IKBIP: variants seen among roughly 807,000 people sequenced by gnomAD.
IKBIP encodes IKBKB interacting protein, also known as inhibitor of nuclear factor kappa-B kinase-interacting protein.
Under a neutral mutation model 31.0 loss-of-function variants are expected in IKBIP, and 28 were observed. That is an observed-to-expected ratio of 0.90 (90% CI 0.67 to 1.24). The LOEUF is 1.24. IKBIP is among the 50% of genes most tolerant of loss of function. The pLI is 0.00. For missense variants in IKBIP, 453 were observed against 441.9 expected (o/e 1.03, Z -0.23); for synonymous variants, 164 against 160.3 (o/e 1.02, Z -0.17).
chr12:98,630,938 A>AT (rs1491283131), intron 2 of IKBIP, among the ~76,000 whole-genome samples: 4 of 4,164 alleles, frequency 9.6e-4, no homozygotes, highest in African/African-American at 1.4e-3. Context: ...TTTTCTTTTC[A>AT]TTTTTTTTTT....
Position 98,625,576 on chromosome 12 carries a change from G to A in IKBIP, c.*354C>T, listed in dbSNP as rs1293835577. On this transcript the variant is annotated 3_prime_UTR_variant, in exon 3 of 3. Coordinates refer to ENST00000299157, the MANE Select transcript of IKBIP (RefSeq NM_153687.4). Reference sequence around the variant, plus strand: ...CAAATTGGGGTCATTTAGTGAAGTGGTAAATACTCTTTATTAGCCCCTGGA... The same window carrying A: ...CAAATTGGGGTCATTTAGTGAAGTGATAAATACTCTTTATTAGCCCCTGGA... 1 of 155,296 alleles carries A rather than the reference G, an allele frequency of 6.4e-6. No homozygotes were observed. Among genetic ancestry groups the A allele is most frequent in the Non-Finnish European group, 1.4e-5 (1 of 70,632 alleles). 9.6% of individuals were successfully genotyped at this position (155,296 alleles called of 1,614,324 possible). A position where few individuals can be genotyped will look rare whatever the true frequency, so the allele number is the denominator to read the frequency against.
intron 1 of IKBIP, among the ~76,000 whole-genome samples, chr12:98,639,583 A>G (rs1201930478): frequency 3.3e-5 from 5 of 152,172 alleles, no homozygotes; most frequent in Non-Finnish European, 7.3e-5. Context: ...ATACAGATCT[A>G]TCTAGGGTCC....
intron 2 of IKBIP, among the ~76,000 whole-genome samples, chr12:98,616,855 T>A (rs991804621): frequency 1.3e-5 from 2 of 152,172 alleles, no homozygotes; most frequent in Non-Finnish European, 2.9e-5. Flanking sequence ...TTTTAAATGC[T>A]AGTATCACGC....
chr12:98,644,495 C>T (rs1432799321), intron 1 of IKBIP, 28 bp downstream of exon 1: 4 of 1,550,698 alleles, frequency 2.6e-6, no homozygotes, highest in South Asian at 1.2e-5. Context: ...CACAGGAGGC[C>T]GGCCCAGGCA....
At chr12:98,636,779 T>C (rs1379361752) in intron 1 of IKBIP, among the ~76,000 whole-genome samples, 2 of 152,088 alleles carry the variant, frequency 1.3e-5, no homozygotes, top group Non-Finnish European at 2.9e-5. Flanking sequence ...GTTTCATTTC[T>C]GGCTTTTAGG....
At position 98,614,722 on chromosome 12, in the gene IKBIP, C is replaced by T. The variant is rs538560972; in HGVS notation, c.298-382G>A. The stretch of plus-strand genomic sequence containing the variant: ...CTGGGATTACAGGCGTGAGCCACCA[C>T]GCCCTGCCTTATGTTATTTTTTAAC... On this transcript the variant is annotated intron_variant, in intron 2 of 2. Transcript: ENST00000342502. Among the ~76,000 whole-genome samples, 10 of 152,310 alleles carry T rather than the reference C, an allele frequency of 6.6e-5. No individual in the cohort carries two copies. The South Asian group carries it at 2.1e-3, about 32-fold the overall frequency.
chr12:98,624,122 T>C (rs2097612177), downstream of IKBIP: 3 of 238,246 alleles, frequency 1.3e-5, no homozygotes, highest in African/African-American at 7.1e-5. Context: ...ATGGTATATA[T>C]AAGTTCATAA....
At chr12:98,634,878 T>A (rs1489892617) in intron 1 of IKBIP, among the ~76,000 whole-genome samples, 1 of 151,450 alleles carries the variant, frequency 6.6e-6, no homozygotes, top group Non-Finnish European at 1.5e-5. Flanking sequence ...CCTGGCTAAT[T>A]TTTTGTATTT....
Position 98,644,773 on chromosome 12 carries a change from C to A in IKBIP, c.-72G>T. ...GGGGAGCAGGACGTGGCCGCCTTGG[C>A]GTTCGTGGGAACCCTGGGCGGTGAC... is the stretch of plus-strand genomic sequence containing the variant. On this transcript the variant is annotated 5_prime_UTR_variant, in exon 1 of 3. Transcript: ENST00000299157. 6.6e-7 allele frequency: 1 copy of A among 1,525,244 alleles called. No homozygotes were observed. Among genetic ancestry groups the A allele is most frequent in the Non-Finnish European group, 8.9e-7 (1 of 1,129,042 alleles). 94.5% of individuals were successfully genotyped at this position (1,525,244 alleles called of 1,614,324 possible).
chr12:98,623,724 T>G (rs1403253485), downstream of IKBIP, among the ~76,000 whole-genome samples: 2 of 150,776 alleles, frequency 1.3e-5, no homozygotes, highest in Non-Finnish European at 2.9e-5. Context: ...TTAATTGACA[T>G]AAAATTTATT....
In IKBIP at chr12:98,626,484, C is replaced by T. The variant is rs759168550; in HGVS notation, c.580G>A (p.Glu194Lys). 1.2e-6 allele frequency: 2 copies of T among 1,613,346 alleles called. No homozygotes were observed. The highest frequency in any genetic ancestry group is 2.2e-5 in the South Asian group (2 of 91,084). ...AGCCGTTCAGTGAGCAATTTTATTT[C>T]CTGCTCAGCTGAGTTAATTTGGACA... Reference protein sequence around the residue: ...VTVQINSAEQEIKLLTERLKD... With the variant: ...VTVQINSAEQKIKLLTERLKD... Residue 194 changes from glutamate (E) to lysine (K), a missense_variant, in exon 3 of 3, where the codon GAA becomes AAA. By Grantham distance (56) the Glu-to-Lys change is moderately conservative. Transcript: ENST00000299157.
intron 1 of IKBIP, among the ~76,000 whole-genome samples, chr12:98,639,984 A>G (rs891370281): frequency 1.1e-4 from 16 of 152,240 alleles, no homozygotes; most frequent in Non-Finnish European, 2.4e-4. Context: ...ACTAACACAA[A>G]GAAAAAAGCT....
chr12:98,619,787 G>C (rs2097608596), downstream of IKBIP, among the ~76,000 whole-genome samples: 1 of 150,076 alleles, frequency 6.7e-6, no homozygotes, highest in Non-Finnish European at 1.5e-5. Context: ...TGGGAGGATG[G>C]CTTGATCCTG....
rs1441921013 is a variant in IKBIP, at chr12:98,626,710, G to C, written c.354C>G (p.Thr118=). The change falls in exon 3 of 3, where the codon ACC becomes ACG. Residue 118 remains threonine (T), a synonymous_variant. Coordinates refer to ENST00000299157, the MANE Select transcript of IKBIP (RefSeq NM_153687.4). ...GGTTGGATACTTCCTGCTCAAACTG[G>C]GTCATCAAAGACATGGATGATGTAG... ...QEATSSMSLM[T]QFEQEVSNLQ... 6.2e-7 allele frequency: 1 copy of C among 1,613,584 alleles called. No homozygotes were observed. Among genetic ancestry groups the C allele is most frequent in the South Asian group, 1.1e-5 (1 of 90,956 alleles).
At chr12:98,635,801 T>TA (rs1191565021) in intron 1 of IKBIP, among the ~76,000 whole-genome samples, 1 of 152,040 alleles carries the variant, frequency 6.6e-6, no homozygotes, top group Non-Finnish European at 1.5e-5. Context: ...TGAAAAGAGG[T>TA]ATGAAAATAG....
chr12:98,626,528 T>A lies in IKBIP; in HGVS notation c.536A>T (p.His179Leu). ...TTGGACAGTTACTTGAGAATGTATA[T>A]GTTTTGCTTCTGATTTGAAAATGTC... Reference protein sequence around the residue: ...NTDIFKSEAKHIHSQVTVQIN... With the variant: ...NTDIFKSEAKLIHSQVTVQIN... The change falls in exon 3 of 3, where the codon CAT becomes CTT. Residue 179 changes from histidine (H) to leucine (L), a missense_variant. Transcript: ENST00000299157. 1.2e-6 allele frequency: 2 copies of A among 1,613,308 alleles called. No individual in the cohort carries two copies. The highest frequency in any genetic ancestry group is 1.7e-6 in the Non-Finnish European group (2 of 1,179,688).
intron 1 of IKBIP, among the ~76,000 whole-genome samples, chr12:98,634,652 A>G (rs1469152889): frequency 1.3e-5 from 2 of 150,392 alleles, no homozygotes; most frequent in African/African-American, 4.9e-5. Flanking sequence ...CTCTTACTTC[A>G]ACCTCCCAAA....
At chr12:98,613,714 C>T in exon 3 of IKBIP, 2 of 1,612,172 alleles carry the variant, frequency 1.2e-6, no homozygotes, top group South Asian at 1.1e-5. Flanking sequence ...AGTCGGTAAC[C>T]AATCTCCCAA....
chr12:98,639,879 A>G (rs1259915051), intron 1 of IKBIP, among the ~76,000 whole-genome samples: 1 of 152,210 alleles, frequency 6.6e-6, no homozygotes, highest in African/African-American at 2.4e-5. Context: ...CCTCAGTTTT[A>G]GCACAATACC....
Sources: allele counts gnomAD v4.1 joint callset (sites outside exome capture counted in the v4.1 genomes callset), GRCh38; gene constraint gnomAD v4.1.1; transcripts MANE v1.5; gene names NCBI Gene and HGNC (gene_info 2026-07-23, HGNC 2026-07-21).